The following PSPC1 variants were observed in gnomAD, a reference collection of about 807,000 sequenced individuals.
PSPC1 encodes the protein paraspeckle protein 1.
Under a neutral mutation model 51.6 loss-of-function variants are expected in PSPC1, and 14 were observed. That is an observed-to-expected ratio of 0.27 (90% confidence interval 0.18 to 0.42). PSPC1 has a LOEUF of 0.42. PSPC1 is among the 10% of genes least tolerant of loss of function. The probability of loss-of-function intolerance (pLI) is 1.00; values close to 1 mark genes in which losing one functional copy is unlikely to be tolerated. For synonymous variants in PSPC1, 193 were observed against 231.9 expected (o/e 0.83, Z 1.53); for missense variants, 406 against 701.1 (o/e 0.58, Z 4.75).
intron 2 of PSPC1, among the ~76,000 whole-genome samples, chr13:19,766,895 C>T (rs1036524474): frequency 6.6e-6 from 1 of 151,702 alleles, no homozygotes; most frequent in Non-Finnish European, 1.5e-5. Flanking sequence ...AGAACAATGG[C>T]TCACACACTT....
At chr13:19,721,984 G>A (rs1882826109) in intron 6 of PSPC1, among the ~76,000 whole-genome samples, 1 of 152,190 alleles carries the variant, frequency 6.6e-6, no homozygotes. Context: ...CCAAGGTCTA[G>A]TGATCCATAC....
intron 3 of PSPC1, among the ~76,000 whole-genome samples, chr13:19,753,231 C>CG (rs1272249096): frequency 7.7e-5 from 11 of 143,504 alleles, no homozygotes; most frequent in African/African-American, 2.7e-4. Flanking sequence ...TACAGTGAGC[C>CG]GAGATTGTGC....
intron 6 of PSPC1, among the ~76,000 whole-genome samples, chr13:19,683,055 G>A (rs1237250852): frequency 6.6e-6 from 1 of 152,040 alleles, no homozygotes; most frequent in African/African-American, 2.4e-5. Context: ...GTGACAGAGT[G>A]AGATCCTGTC....
chr13:19,723,982 A>G (rs1243020843), intron 6 of PSPC1, among the ~76,000 whole-genome samples: 1 of 152,254 alleles, frequency 6.6e-6, no homozygotes, highest in East Asian at 1.9e-4. Flanking sequence ...CTACCAGTCC[A>G]GCAGGTCACA....
At chr13:19,703,938 T>C (rs1207441478) in intron 8 of PSPC1, among the ~76,000 whole-genome samples, 3 of 152,200 alleles carry the variant, frequency 2.0e-5, no homozygotes, top group Non-Finnish European at 4.4e-5. Context: ...TAAAAATTAA[T>C]GTAATAACAT....
At chr13:19,767,042 C>G (rs1303745611) in intron 2 of PSPC1, among the ~76,000 whole-genome samples, 2 of 151,812 alleles carry the variant, frequency 1.3e-5, no homozygotes, top group Non-Finnish European at 2.9e-5. Flanking sequence ...GGAGTAGTGG[C>G]TCATGTCTGT....
intron 5 of PSPC1, among the ~76,000 whole-genome samples, chr13:19,739,500 C>T (rs1364909581): frequency 6.6e-6 from 1 of 152,162 alleles, no homozygotes; most frequent in Non-Finnish European, 1.5e-5. Context: ...GTAATCCCAG[C>T]ACTTTGGGAG....
chr13:19,692,060 G>C (rs865858357), intron 6 of PSPC1, among the ~76,000 whole-genome samples: 13 of 152,174 alleles, frequency 8.5e-5, no homozygotes, highest in Admixed American at 2.0e-4. Flanking sequence ...ATGTAGTTGT[G>C]ATTTAATTCA....
At chr13:19,714,400 A>G (rs1290070183) in intron 6 of PSPC1, among the ~76,000 whole-genome samples, 5 of 152,150 alleles carry the variant, frequency 3.3e-5, no homozygotes, top group African/African-American at 7.2e-5. Context: ...GCTTAGGCCA[A>G]TGCATCAGTA....
At chr13:19,740,157 A>G (rs1249290651) in intron 5 of PSPC1, among the ~76,000 whole-genome samples, 1 of 152,182 alleles carries the variant, frequency 6.6e-6, no homozygotes, top group Admixed American at 6.5e-5. Context: ...CAGCCTGACC[A>G]ACATGGAGAA....
At chr13:19,734,373 T>A (rs953074025) in intron 5 of PSPC1, among the ~76,000 whole-genome samples, 1 of 152,210 alleles carries the variant, frequency 6.6e-6, no homozygotes, top group Non-Finnish European at 1.5e-5. Context: ...AGGTCTCAAA[T>A]ATTCTTGCAG....
intron 6 of PSPC1, among the ~76,000 whole-genome samples, chr13:19,724,171 G>C (rs1883088453): frequency 6.6e-6 from 1 of 152,184 alleles, no homozygotes; most frequent in South Asian, 2.1e-4. Context: ...TTTAAAAACT[G>C]TAGAAAAAGA....
intron 6 of PSPC1, among the ~76,000 whole-genome samples, chr13:19,685,298 T>C (rs927164051): frequency 5.9e-5 from 9 of 152,194 alleles, no homozygotes; most frequent in Admixed American, 2.6e-4. Flanking sequence ...GGCAGTCCCT[T>C]TGTTAGAACA....
chr13:19,704,040 C>G (rs1880303064), intron 8 of PSPC1, among the ~76,000 whole-genome samples: 4 of 152,240 alleles, frequency 2.6e-5, no homozygotes, highest in Admixed American at 2.6e-4. Flanking sequence ...GGATAGAACT[C>G]CCTGAAGTGT....
At chr13:19,706,209 A>C (rs1319981446) in intron 7 of PSPC1, among the ~76,000 whole-genome samples, 1 of 152,138 alleles carries the variant, frequency 6.6e-6, no homozygotes, top group African/African-American at 2.4e-5. Context: ...CACTTACAAA[A>C]CCACTTAATT....
chr13:19,773,065 G>A (rs1345395763), intron 1 of PSPC1, among the ~76,000 whole-genome samples: 1 of 151,866 alleles, frequency 6.6e-6, no homozygotes, highest in East Asian at 1.9e-4. Flanking sequence ...GGAGGCTTAG[G>A]CAAGAGATCT....
rs1367693509 is a variant in PSPC1 at position 19,745,535 on chromosome 13, T to G, written c.968-3886A>C. Reference sequence around the variant, plus strand: ...TGTATAACTTCTGATCTAACAATTTTATTTTCTAAAAATACTAGTCTCTTT... The same window carrying G: ...TGTATAACTTCTGATCTAACAATTTGATTTTCTAAAAATACTAGTCTCTTT... On this transcript the variant is annotated intron_variant, in intron 4 of 8. Transcript: ENST00000338910. 2.0e-5 allele frequency among the ~76,000 whole-genome samples: 3 copies of G among 152,294 alleles called. No individual in the cohort carries two copies. In the East Asian group the frequency reaches 5.8e-4, roughly 29 times the overall value.
chr13:19,715,478 G>A (rs569378159), intron 6 of PSPC1, among the ~76,000 whole-genome samples: 1 of 152,148 alleles, frequency 6.6e-6, no homozygotes, highest in Non-Finnish European at 1.5e-5. Flanking sequence ...AACCCCAAGT[G>A]CTCCAAAATC....
At chr13:19,677,841 T>C (rs1231143587) in intron 6 of PSPC1, 1 of 480,648 alleles carries the variant, frequency 2.1e-6, no homozygotes, top group Non-Finnish European at 4.2e-6. Flanking sequence ...TACAATGAAA[T>C]CAGATTCAGC....
Sources: allele counts gnomAD v4.1 joint callset (sites outside exome capture counted in the v4.1 genomes callset), GRCh38; gene constraint gnomAD v4.1.1; transcripts MANE v1.5; gene names NCBI Gene and HGNC (gene_info 2026-07-23, HGNC 2026-07-21).